SEPTIN12: variants seen among roughly 807,000 people sequenced by gnomAD.
SEPTIN12 encodes the protein septin-12.
A neutral mutation model predicts 37.7 loss-of-function variants in SEPTIN12; 42 were observed. That is an observed-to-expected ratio of 1.11 (90% CI 0.87 to 1.44). The LOEUF (loss-of-function observed/expected upper bound fraction) is 1.44. Ranked by LOEUF, SEPTIN12 falls within the 40% of genes most tolerant of loss-of-function variation. The probability of loss-of-function intolerance (pLI) is 0.00; values close to 1 mark genes in which losing one functional copy is unlikely to be tolerated. For missense variants in SEPTIN12, 613 were observed against 479.2 expected (o/e 1.28, Z -2.61); for synonymous variants, 254 against 196.7 (o/e 1.29, Z -2.44).
At chr16:4,787,696 G>A in intron 1 of SEPTIN12, 29 bp from the exon 2 acceptor site, 1 of 971,964 alleles carries the variant, frequency 1.0e-6, no homozygotes, top group Non-Finnish European at 1.6e-6. Flanking sequence ...GGAGAAGGGG[G>A]TCACTGGGGC....
At position 4,783,454 on chromosome 16, in the gene SEPTIN12, C is replaced by A; in HGVS notation, c.726+8G>T. On this transcript the variant is annotated splice_region_variant and intron_variant, in intron 7 of 9. Transcript: ENST00000268231. ...ACCTCGCCCGCCTCCCGCCCCACAG[C>A]CTCTCACCCGTAACTTGCTGTTGAG... The A allele has an allele frequency of 2.5e-6, 4 of 1,611,684 alleles. No individual in the cohort carries two copies. The highest frequency in any genetic ancestry group is 3.4e-6 in the Non-Finnish European group (4 of 1,178,082).
chr16:4,779,917 G>C (rs2082354893), intron 7 of SEPTIN12, 131 bp from the exon 8 acceptor site: 2 of 684,076 alleles, frequency 2.9e-6, no homozygotes, highest in Non-Finnish European at 5.2e-6. Context: ...AAAGTGCACA[G>C]AATTCCCAAG....
rs777914276 is a variant in SEPTIN12, at chr16:4,787,542, A to G, written c.104T>C (p.Val35Ala). Residue 35 changes from valine to alanine, a missense_variant, in exon 2 of 10, where the codon GTG (valine) becomes GCG (alanine). Transcript: ENST00000268231. ...EMLGPVGIEA[V>A]LDQLKIKAMK... is the part of the protein sequence containing the mutation. Reference sequence around the variant, plus strand: ...AGCCTTGATCTTCAGCTGGTCCAGCACAGCCTCAATGCCCACAGGACCAAG... The same window carrying G: ...AGCCTTGATCTTCAGCTGGTCCAGCGCAGCCTCAATGCCCACAGGACCAAG... The G allele has an allele frequency of 1.2e-5, 19 of 1,612,624 alleles. No individual in the cohort carries two copies. Among genetic ancestry groups the G allele is most frequent in the Non-Finnish European group, 1.5e-5 (18 of 1,179,982 alleles).
At chr16:4,779,832 G>T in intron 7 of SEPTIN12, 46 bp from the exon 8 acceptor site, 1 of 1,357,392 alleles carries the variant, frequency 7.4e-7, no homozygotes, top group Non-Finnish European at 1.1e-6. Context: ...ACTTCGCTGG[G>T]GAGAAGAGAA....
intron 7 of SEPTIN12, among the ~76,000 whole-genome samples, chr16:4,782,832 T>C (rs1196298452): frequency 6.6e-6 from 1 of 151,940 alleles, no homozygotes; most frequent in East Asian, 1.9e-4. Context: ...CTCGAACTCC[T>C]GACCTCAGGT....
At chr16:4,790,413 C>G (rs2082534051), upstream of SEPTIN12, among the ~76,000 whole-genome samples, 1 of 152,162 alleles carries the variant, frequency 6.6e-6, no homozygotes, top group Non-Finnish European at 1.5e-5. Context: ...CGACTTCTGC[C>G]CTTTGCTGTC....
intron 7 of SEPTIN12, among the ~76,000 whole-genome samples, chr16:4,781,546 A>C (rs2082371461): frequency 6.6e-6 from 1 of 152,124 alleles, no homozygotes; most frequent in African/African-American, 2.4e-5. Context: ...GGAATCCCAT[A>C]ATACGTGACC....
At chr16:4,784,969 G>C (rs866447958) in intron 4 of SEPTIN12, among the ~76,000 whole-genome samples, 1 of 150,718 alleles carries the variant, frequency 6.6e-6, no homozygotes, top group Admixed American at 6.6e-5. Context: ...AAATTGGGCC[G>C]GGTGCAGTGG....
chr16:4,783,335 T>C (rs2082393247), intron 7 of SEPTIN12, 127 bp downstream of exon 7: 1 of 767,002 alleles, frequency 1.3e-6, no homozygotes, highest in Admixed American at 2.0e-5. Context: ...TGTGGATGAG[T>C]AGAGAATCAT....
chr16:4,787,165 C>T (rs901623705), intron 2 of SEPTIN12, among the ~76,000 whole-genome samples: 3 of 152,110 alleles, frequency 2.0e-5, no homozygotes, highest in African/African-American at 7.2e-5. Context: ...CTTGAGCCAC[C>T]ATGCCCGGCC....
intron 4 of SEPTIN12, 137 bp from the exon 5 acceptor site, chr16:4,784,205 C>A (rs1037259443): frequency 3.4e-6 from 3 of 888,446 alleles, no homozygotes; most frequent in African/African-American, 1.6e-5. Flanking sequence ...TGGGTCACCC[C>A]GGTACTTTCC....
rs368128787 is a variant in SEPTIN12 at position 4,779,801 on chromosome 16, G to A, written c.727-15C>T. 8.9e-6 allele frequency: 14 copies of A among 1,576,024 alleles called. No homozygotes were observed. The African/African-American group carries it at 1.9e-4, about 21-fold the overall frequency. Reference sequence around the variant, plus strand: ...GGGATTCGGTCCTGGGAAAGGAGAAGACACAGAGATGGGAGGATTGACTTC... The same window carrying A: ...GGGATTCGGTCCTGGGAAAGGAGAAAACACAGAGATGGGAGGATTGACTTC... On this transcript the variant is annotated splice_polypyrimidine_tract_variant and intron_variant, in intron 7 of 9. Transcript: ENST00000268231.
At chr16:4,785,362 C>CA (rs1293168766) in intron 4 of SEPTIN12, among the ~76,000 whole-genome samples, 71 of 139,318 alleles carry the variant, frequency 5.1e-4, no homozygotes, top group Middle Eastern at 3.6e-3. Flanking sequence ...GATTCTGTCT[C>CA]AAAAAAAAAA....
In SEPTIN12 at chr16:4,787,537, C is replaced by T. The variant is rs759426424; in HGVS notation, c.109G>A (p.Asp37Asn). The change falls in exon 2 of 10, where the codon GAC (aspartate) becomes AAC (asparagine). Residue 37 changes from aspartate to asparagine, a missense_variant. By Grantham distance (23) the Asp-to-Asn change is conservative. Transcript: ENST00000268231. ...LGPVGIEAVL[D>N]QLKIKAMKMG... ...TTCATAGCCTTGATCTTCAGCTGGT[C>T]CAGCACAGCCTCAATGCCCACAGGA... 8.7e-6 allele frequency: 14 copies of T among 1,612,828 alleles called. No individual in the cohort carries two copies. In the East Asian group the frequency reaches 1.1e-4, roughly 13 times the overall value.
intron 5 of SEPTIN12, 58 bp downstream of exon 5, chr16:4,783,873 T>C: frequency 6.2e-7 from 1 of 1,609,170 alleles, no homozygotes; most frequent in Non-Finnish European, 8.5e-7. Flanking sequence ...TGGGGACCCC[T>C]TCTCCTCCTC....
At chr16:4,786,807 G>C (rs1004597014) in intron 2 of SEPTIN12, among the ~76,000 whole-genome samples, 1 of 152,076 alleles carries the variant, frequency 6.6e-6, no homozygotes, top group African/African-American at 2.4e-5. Flanking sequence ...CACCATGCCT[G>C]GCTAATTTTT....
chr16:4,778,250 C>T (rs2141862633), intron 8 of SEPTIN12, 113 bp from the exon 9 acceptor site: 2 of 1,077,320 alleles, frequency 1.9e-6, no homozygotes, highest in South Asian at 1.3e-5. Context: ...TTTCTCTTTA[C>T]CCTATCCTGC....
At chr16:4,783,882 T>C in intron 5 of SEPTIN12, 49 bp downstream of exon 5, 1 of 1,612,318 alleles carries the variant, frequency 6.2e-7, no homozygotes, top group Non-Finnish European at 8.5e-7. Context: ...CTTCTCCTCC[T>C]CCCTGCCCCG....
rs1415223925 is a variant in SEPTIN12 at position 4,783,488 on chromosome 16, C to T, written c.700G>A (p.Asp234Asn). The T allele has an allele frequency of 3.7e-6, 6 of 1,614,036 alleles. No homozygotes were observed. In the Admixed American group the frequency reaches 1.0e-4, roughly 27 times the overall value. Residue 234 changes from aspartate to asparagine, a missense_variant, in exon 7 of 10, where the codon GAC (aspartate) becomes AAC (asparagine). Transcript: ENST00000268231. ...PQMCFDEDIN[D>N]KILNSKLRDR... is the part of the protein sequence containing the mutation. ...CGTAACTTGCTGTTGAGGATTTTGT[C>T]ATTGATGTCCTCGTCAAAGCACATC...
Sources: allele counts gnomAD v4.1 joint callset (sites outside exome capture counted in the v4.1 genomes callset), GRCh38; gene constraint gnomAD v4.1.1; transcripts MANE v1.5; gene names NCBI Gene and HGNC (gene_info 2026-07-23, HGNC 2026-07-21).